SUSD4: variants seen among roughly 807,000 people sequenced by gnomAD.
The protein encoded by SUSD4 is sushi domain-containing protein 4.
Under a neutral mutation model 50.5 loss-of-function variants are expected in SUSD4, and 41 were observed. That is an observed-to-expected ratio of 0.81 (90% CI 0.63 to 1.05). The LOEUF is 1.05. SUSD4 is among the 50% of genes least tolerant of loss of function. The probability of loss-of-function intolerance (pLI) is 0.00; values close to 1 mark genes in which losing one functional copy is unlikely to be tolerated. For missense variants in SUSD4, 580 were observed against 634.7 expected, an observed-to-expected ratio of 0.91 and a Z score of 0.93; for synonymous variants, 257 against 257.3, an observed-to-expected ratio of 1.00 and a Z score of 0.01.
At chr1:223,302,966 C>T (rs1447269373) in intron 2 of SUSD4, among the ~76,000 whole-genome samples, 1 of 151,886 alleles carries the variant, frequency 6.6e-6, no homozygotes, top group African/African-American at 2.4e-5. Flanking sequence ...AACAAGACCA[C>T]ATCTCTAAAA....
intron 2 of SUSD4, among the ~76,000 whole-genome samples, chr1:223,328,247 G>A (rs1666986169): frequency 6.6e-6 from 1 of 152,150 alleles, no homozygotes; most frequent in South Asian, 2.1e-4. Context: ...CTCCAGTACA[G>A]CATCTCACTT....
chr1:223,334,953 T>A (rs984143929), intron 2 of SUSD4, among the ~76,000 whole-genome samples: 1 of 152,192 alleles, frequency 6.6e-6, no homozygotes, highest in Admixed American at 6.5e-5. Context: ...CTCCCACTTA[T>A]GAGTGAGAAC....
chr1:223,242,924 C>T (rs899058757), intron 5 of SUSD4, among the ~76,000 whole-genome samples: 35 of 152,172 alleles, frequency 2.3e-4, no homozygotes, highest in African/African-American at 6.5e-4. Flanking sequence ...AAATTCCTCA[C>T]GTCCCACTTG....
At chr1:223,349,768 AT>A (rs1290116661) in intron 2 of SUSD4, among the ~76,000 whole-genome samples, 2 of 152,070 alleles carry the variant, frequency 1.3e-5, no homozygotes, top group African/African-American at 4.8e-5. Flanking sequence ...GCCTTCCCAT[AT>A]TTCCCCTAGC....
intron 5 of SUSD4, among the ~76,000 whole-genome samples, chr1:223,251,109 T>A (rs1009694922): frequency 3.9e-5 from 6 of 152,214 alleles, no homozygotes; most frequent in African/African-American, 7.2e-5. Context: ...GGTGGGCCCT[T>A]AATCCAATAT....
In SUSD4 at chr1:223,293,973, C is replaced by T. The variant is rs528960407; in HGVS notation, c.149-1322G>A. Among the ~76,000 whole-genome samples the T allele has an allele frequency of 4.6e-5, 7 of 151,968 alleles. No individual in the cohort carries two copies. In the South Asian group the frequency reaches 1.5e-3, roughly 32 times the overall value. ...TGAAGGCAGATCCCTGAAACAAACA[C>T]TGATGTCATAAGCCACAGCGAGGGC... On this transcript the variant is annotated intron_variant, in intron 2 of 8. Coordinates refer to ENST00000366878, the MANE Select transcript of SUSD4 (RefSeq NM_017982.4).
At chr1:223,223,772 C>T (rs947763577) in intron 7 of SUSD4, 141 bp from the exon 8 acceptor site, 1 of 1,083,402 alleles carries the variant, frequency 9.2e-7, no homozygotes, top group Admixed American at 3.2e-5. Context: ...ATGGAAGAAC[C>T]AGCCTCCTTT....
At chr1:223,307,918 G>C (rs1572026873) in intron 2 of SUSD4, among the ~76,000 whole-genome samples, 1 of 152,122 alleles carries the variant, frequency 6.6e-6, no homozygotes, top group South Asian at 2.1e-4. Flanking sequence ...TGTTCTGGTA[G>C]CCACCAATTC....
intron 2 of SUSD4, among the ~76,000 whole-genome samples, chr1:223,355,344 G>A (rs1306857413): frequency 6.6e-6 from 1 of 151,644 alleles, no homozygotes; most frequent in Non-Finnish European, 1.5e-5. Flanking sequence ...AAAGTGCTGG[G>A]ATTACAGGCA....
At position 223,289,190 on chromosome 1, in the gene SUSD4, A is replaced by C. The variant is rs965364265; in HGVS notation, c.361+3249T>G. 4.1e-6 allele frequency: 4 copies of C among 985,152 alleles called. No homozygotes were observed. The African/African-American group carries it at 7.0e-5, about 17-fold the overall frequency. 61.0% of individuals were successfully genotyped at this position (985,152 alleles called of 1,614,324 possible). A position where few individuals can be genotyped will look rare whatever the true frequency, so the allele number is the denominator to read the frequency against. On this transcript the variant is annotated intron_variant, in intron 3 of 8. Transcript: ENST00000366878. ...TTGCCAATTCTAGGGTCTCCTCTCC[A>C]CCATATAGGTCACCTCCTCTGTTCC...
At chr1:223,358,890 A>T (rs1421640788) in intron 2 of SUSD4, 2 of 287,624 alleles carry the variant, frequency 7.0e-6, no homozygotes, top group Non-Finnish European at 1.4e-5. Flanking sequence ...ATTGAATGAA[A>T]AGCTTTCACT....
At chr1:223,250,609 G>A (rs1553285117) in intron 5 of SUSD4, among the ~76,000 whole-genome samples, 1 of 152,152 alleles carries the variant, frequency 6.6e-6, no homozygotes, top group Non-Finnish European at 1.5e-5. Flanking sequence ...CAGGAGAAAG[G>A]GAGCATAGTG....
At chr1:223,223,185 G>A in intron 8 of SUSD4, 64 bp downstream of exon 8, 1 of 1,497,904 alleles carries the variant, frequency 6.7e-7, no homozygotes, top group Non-Finnish European at 8.8e-7. Flanking sequence ...GCAAGGAGCT[G>A]GCTTGAAGAT....
At chr1:223,335,612 G>A (rs1040764807) in intron 2 of SUSD4, among the ~76,000 whole-genome samples, 2 of 152,080 alleles carry the variant, frequency 1.3e-5, no homozygotes, top group Admixed American at 6.6e-5. Context: ...AAACAATACA[G>A]AAAGAACAAG....
At chr1:223,271,855 G>A (rs941797568) in intron 3 of SUSD4, among the ~76,000 whole-genome samples, 4 of 152,188 alleles carry the variant, frequency 2.6e-5, no homozygotes, top group Non-Finnish European at 5.9e-5. Flanking sequence ...GTGTCTGACA[G>A]TAAATGTCTA....
intron 2 of SUSD4, among the ~76,000 whole-genome samples, chr1:223,340,826 T>C (rs1033398270): frequency 2.1e-4 from 32 of 152,250 alleles, no homozygotes; most frequent in African/African-American, 7.5e-4. Context: ...CGGAGGAACA[T>C]CTCTTAAATC....
At chr1:223,241,415 T>C (rs1293935349) in intron 5 of SUSD4, among the ~76,000 whole-genome samples, 2 of 152,214 alleles carry the variant, frequency 1.3e-5, no homozygotes, top group African/African-American at 4.8e-5. Context: ...CAGGTTCTCT[T>C]ACACCTTCCC....
intron 2 of SUSD4, among the ~76,000 whole-genome samples, chr1:223,322,608 G>A (rs1666639643): frequency 6.6e-6 from 1 of 152,116 alleles, no homozygotes; most frequent in African/African-American, 2.4e-5. Context: ...AGGGTAGGCA[G>A]CCCTGGGGTG....
rs773308877 is a variant in SUSD4 at position 223,268,565 on chromosome 1, G to A, written c.472C>T (p.Leu158=). The A allele has an allele frequency of 3.1e-6, 5 of 1,614,148 alleles. No individual in the cohort carries two copies. The South Asian group carries it at 5.5e-5, about 18-fold the overall frequency. ...HEGFKIRYPD[L]HNMVSLCRDD... ...CGACATAATGAAACCATATTGTGTAGGTCGGGGTACCGGATCTTGAATCCT... is the reference window on the plus strand; with the variant it reads ...CGACATAATGAAACCATATTGTGTAAGTCGGGGTACCGGATCTTGAATCCT... Residue 158 remains leucine (L), a synonymous_variant, in exon 4 of 9, where the codon CTA becomes TTA. Transcript: ENST00000366878.
Sources: gnomAD v4.1 joint callset for allele counts (sites outside exome capture counted in the v4.1 genomes callset) on GRCh38, gnomAD v4.1.1 for gene constraint, MANE v1.5 for transcripts, NCBI Gene and HGNC (gene_info 2026-07-23, HGNC 2026-07-21) for gene names.